PTPRD: variants seen among roughly 807,000 people sequenced by gnomAD.
PTPRD encodes the protein receptor-type tyrosine-protein phosphatase delta.
A neutral mutation model predicts 214.5 loss-of-function variants in PTPRD; 34 were observed. The observed-to-expected ratio is 0.16, with a 90% confidence interval of 0.12 to 0.21. The LOEUF is 0.21. Among genes scored for constraint, PTPRD ranks in the 10% least tolerant of loss-of-function variants. The pLI is 1.00. For missense variants in PTPRD, 2,545 were observed against 2,398.7 expected, an observed-to-expected ratio of 1.06 and a Z score of -1.27; for synonymous variants, 1,128 against 845.7, an observed-to-expected ratio of 1.33 and a Z score of -5.79.
chr9:8,425,661 GT>G (rs1412724821), intron 35 of PTPRD, among the ~76,000 whole-genome samples: 2 of 145,182 alleles, frequency 1.4e-5, no homozygotes, highest in African/African-American at 2.5e-5. Flanking sequence ...TTTTTGTTTT[GT>G]TTTTTTGTTT....
intron 2 of PTPRD, among the ~76,000 whole-genome samples, chr9:10,587,077 A>T (rs752581961): frequency 6.6e-6 from 1 of 152,088 alleles, no homozygotes; most frequent in Non-Finnish European, 1.5e-5. Flanking sequence ...CACTAACAAC[A>T]AATCACATGA....
At chr9:10,567,221 G>T (rs985128851) in intron 2 of PTPRD, among the ~76,000 whole-genome samples, 3 of 151,954 alleles carry the variant, frequency 2.0e-5, no homozygotes, top group African/African-American at 7.2e-5. Context: ...TAGAATAAAT[G>T]ATATGACAAT....
At chr9:8,911,897 T>TA (rs905796225) in intron 11 of PTPRD, among the ~76,000 whole-genome samples, 11 of 152,076 alleles carry the variant, frequency 7.2e-5, no homozygotes, top group Non-Finnish European at 1.3e-4. Context: ...GAATGATTAA[T>TA]AAAAAAATTC....
At chr9:8,412,648 C>T (rs2093622555) in intron 35 of PTPRD, among the ~76,000 whole-genome samples, 1 of 152,172 alleles carries the variant, frequency 6.6e-6, no homozygotes, top group African/African-American at 2.4e-5. Context: ...TGTATAAGAA[C>T]ATCCCTGATA....
intron 11 of PTPRD, among the ~76,000 whole-genome samples, chr9:8,825,846 G>T (rs746766558): frequency 1.3e-5 from 2 of 152,110 alleles, no homozygotes; most frequent in African/African-American, 4.8e-5. Flanking sequence ...CTGTCATGGC[G>T]CCAGTGAGAG....
intron 11 of PTPRD, among the ~76,000 whole-genome samples, chr9:8,902,345 CT>C (rs36112845): frequency 0.49 from 64,694 of 132,842 alleles, 16,024 homozygotes; most frequent in Non-Finnish European, 0.6. Context: ...CTTTCTTTTT[CT>C]TTTTTTTTTT....
At chr9:9,503,326 C>T (rs2096480424) in intron 8 of PTPRD, among the ~76,000 whole-genome samples, 3 of 151,120 alleles carry the variant, frequency 2.0e-5, no homozygotes, top group Admixed American at 6.6e-5. Context: ...TCTTGAATCA[C>T]AGCACATCAT....
intron 8 of PTPRD, among the ~76,000 whole-genome samples, chr9:9,503,234 T>C (rs933222768): frequency 2.6e-5 from 4 of 151,690 alleles, no homozygotes; most frequent in African/African-American, 9.7e-5. Context: ...AATGTTACCA[T>C]TGGATTTTTA....
At chr9:8,346,386 T>C (rs1309680249) in intron 39 of PTPRD, among the ~76,000 whole-genome samples, 1 of 152,180 alleles carries the variant, frequency 6.6e-6, no homozygotes, top group Non-Finnish European at 1.5e-5. Context: ...AAACATCATA[T>C]AGAGTAGTCC....
At chr9:8,481,652 C>T (rs981200080) in intron 30 of PTPRD, among the ~76,000 whole-genome samples, 1 of 152,134 alleles carries the variant, frequency 6.6e-6, no homozygotes, top group African/African-American at 2.4e-5. Context: ...TCTCTTCTTC[C>T]TATTAACGGA....
intron 6 of PTPRD, among the ~76,000 whole-genome samples, chr9:9,743,452 T>G (rs763438652): frequency 2.0e-5 from 3 of 152,106 alleles, no homozygotes; most frequent in Non-Finnish European, 2.9e-5. Context: ...AAATAAGTTG[T>G]TCCTATGAAG....
chr9:8,550,851 T>C (rs949805293), intron 14 of PTPRD, among the ~76,000 whole-genome samples: 1 of 152,184 alleles, frequency 6.6e-6, no homozygotes, highest in Admixed American at 6.5e-5. Flanking sequence ...TCAGGCTCTT[T>C]AGAGAAATAA....
intron 6 of PTPRD, among the ~76,000 whole-genome samples, chr9:9,753,017 G>A (rs939463945): frequency 8.6e-5 from 13 of 152,042 alleles, no homozygotes; most frequent in African/African-American, 2.9e-4. Context: ...AAAACAAGCT[G>A]CCCCCTTTTC....
At chr9:10,157,608 T>C (rs752288324) in intron 3 of PTPRD, among the ~76,000 whole-genome samples, 5 of 152,132 alleles carry the variant, frequency 3.3e-5, no homozygotes, top group Non-Finnish European at 5.9e-5. Flanking sequence ...GATAATTATG[T>C]GACTTGGAAA....
chr9:9,010,366 G>C (rs941435233), intron 11 of PTPRD, among the ~76,000 whole-genome samples: 1 of 152,114 alleles, frequency 6.6e-6, no homozygotes, highest in African/African-American at 2.4e-5. Context: ...CATGCTATAG[G>C]ATATTCCATT....
chr9:9,927,448 T>A (rs2084737100), intron 5 of PTPRD, among the ~76,000 whole-genome samples: 1 of 152,084 alleles, frequency 6.6e-6, no homozygotes, highest in South Asian at 2.1e-4. Flanking sequence ...AGCCCACACA[T>A]CTGCCCTATT....
intron 14 of PTPRD, among the ~76,000 whole-genome samples, chr9:8,631,369 G>T: frequency 6.6e-6 from 1 of 151,768 alleles, no homozygotes; most frequent in Non-Finnish European, 1.5e-5. Context: ...CAGAGACTAT[G>T]ATTTCCACCC....
At position 9,893,861 on chromosome 9, in the gene PTPRD, C is replaced by T. The variant is rs186358747; in HGVS notation, c.-368+44646G>A. 2.6e-5 allele frequency among the ~76,000 whole-genome samples: 4 copies of T among 152,088 alleles called. No individual in the cohort carries two copies. In the East Asian group the frequency reaches 5.8e-4, roughly 22 times the overall value. The stretch of plus-strand genomic sequence containing the variant: ...TTAGAGACAAGATCTTTCCCTATTG[C>T]CCAGACTGGAATGCAGTGACATGAT... On this transcript the variant is annotated intron_variant, in intron 5 of 45. Transcript: ENST00000381196.
chr9:10,257,240 T>A lies in PTPRD; in HGVS notation c.-545+83723A>T, dbSNP rs545297139. On this transcript the variant is annotated intron_variant, in intron 3 of 45. Coordinates refer to ENST00000381196, the MANE Select transcript of PTPRD (RefSeq NM_002839.4). The stretch of plus-strand genomic sequence containing the variant: ...CTGCCTGTGATACAAGGAGAAAAGG[T>A]TGCCTATATCTGGTCCTAAACAATT... Among the ~76,000 whole-genome samples, 7 of 152,324 alleles carry A rather than the reference T, an allele frequency of 4.6e-5. 1 individual carries two copies. The East Asian group carries it at 1.4e-3, about 29-fold the overall frequency.
Sources: allele counts gnomAD v4.1 joint callset (sites outside exome capture counted in the v4.1 genomes callset), GRCh38; gene constraint gnomAD v4.1.1; transcripts MANE v1.5; gene names NCBI Gene and HGNC (gene_info 2026-07-23, HGNC 2026-07-21).